The following KCNQ1 variants were observed in gnomAD, a reference collection of about 807,000 sequenced individuals.
KCNQ1 encodes the protein potassium voltage-gated channel subfamily KQT member 1.
Under a neutral mutation model 72.4 loss-of-function variants are expected in KCNQ1, and 49 were observed. The observed-to-expected ratio is 0.68, with a 90% confidence interval of 0.54 to 0.86. The LOEUF (loss-of-function observed/expected upper bound fraction) is 0.86. Among genes scored for constraint, KCNQ1 ranks in the 40% least tolerant of loss-of-function variants. The pLI is 0.00. For missense variants in KCNQ1, 790 were observed against 945.1 expected (o/e 0.84, Z 2.15); for synonymous variants, 450 against 412.6 (o/e 1.09, Z -1.10).
At chr11:2,534,265 C>CCCGCAGGT (rs1847691276) in intron 2 of KCNQ1, among the ~76,000 whole-genome samples, 1 of 152,246 alleles carries the variant, frequency 6.6e-6, no homozygotes, top group African/African-American at 2.4e-5. Context: ...CGCCCGCAGG[C>CCCGCAGGT]CCGCAGGTCC....
intron 11 of KCNQ1, chr11:2,667,419 G>T: frequency 2.5e-6 from 1 of 398,712 alleles, no homozygotes; most frequent in South Asian, 1.3e-4. Flanking sequence ...CTCCACTTGT[G>T]AACTCCCAGC....
rs913157133 is a variant in KCNQ1 at position 2,536,918 on chromosome 11, C to G, written c.477+8900C>G. Among the ~76,000 whole-genome samples, 3 of 151,964 alleles carry G rather than the reference C, an allele frequency of 2.0e-5. No homozygotes were observed. The highest frequency in any genetic ancestry group is 1.5e-5 in the Non-Finnish European group (1 of 68,030). Reference sequence around the variant, plus strand: ...GCAACTGTCTTCTAGATGTAGTACCCCAATCCCCCCCAGTCCCTCCCTTTA... The same window carrying G: ...GCAACTGTCTTCTAGATGTAGTACCGCAATCCCCCCCAGTCCCTCCCTTTA... On this transcript the variant is annotated intron_variant, in intron 2 of 15. Transcript: ENST00000155840. The surrounding 1 kb of genome is among the most constrained non-coding windows in gnomAD (Gnocchi z 7.4).
At chr11:2,693,215 A>T (rs1360052881) in intron 11 of KCNQ1, 2 of 398,606 alleles carry the variant, frequency 5.0e-6, no homozygotes, top group Non-Finnish European at 8.8e-6. Flanking sequence ...CCCTTTTCTG[A>T]GAGGACCACA....
intron 2 of KCNQ1, among the ~76,000 whole-genome samples, chr11:2,539,848 C>T (rs970382345): frequency 5.9e-5 from 9 of 152,218 alleles, no homozygotes; most frequent in Admixed American, 2.6e-4. Context: ...TCAGTGAGTG[C>T]CACGTTCGGT....
intron 10 of KCNQ1, among the ~76,000 whole-genome samples, chr11:2,606,296 C>T (rs1006314587): frequency 2.0e-5 from 3 of 152,128 alleles, no homozygotes; most frequent in African/African-American, 7.2e-5. Flanking sequence ...CTGTATACAA[C>T]ATTGATACGG....
chr11:2,667,426 C>G (rs1241702389), intron 11 of KCNQ1: 3 of 398,618 alleles, frequency 7.5e-6, no homozygotes, highest in African/African-American at 4.1e-5. Context: ...TGTGAACTCC[C>G]AGCCATGATG....
At chr11:2,575,191 C>T (rs969238778) in intron 6 of KCNQ1, among the ~76,000 whole-genome samples, 2 of 152,198 alleles carry the variant, frequency 1.3e-5, no homozygotes, top group African/African-American at 4.8e-5. Flanking sequence ...CAGAGCGGCA[C>T]TCCCACTCCC....
At chr11:2,738,053 C>T (rs946481119) in intron 11 of KCNQ1, among the ~76,000 whole-genome samples, 3 of 152,134 alleles carry the variant, frequency 2.0e-5, no homozygotes, top group East Asian at 1.9e-4. Context: ...TGGGAGGGGC[C>T]GAGCCTGGCC....
intron 2 of KCNQ1, among the ~76,000 whole-genome samples, chr11:2,532,991 T>C (rs891438067): frequency 6.6e-6 from 1 of 152,110 alleles, no homozygotes; most frequent in Non-Finnish European, 1.5e-5. Context: ...ACTCAGGAGC[T>C]GCTGGCACCC....
At chr11:2,648,117 A>G in intron 10 of KCNQ1, 1 of 164,300 alleles carries the variant, frequency 6.1e-6, no homozygotes, top group Non-Finnish European at 1.2e-5. Context: ...AGGCAGGAGG[A>G]TTGCTTGAGC....
intron 11 of KCNQ1, chr11:2,686,254 G>A: frequency 2.5e-6 from 1 of 398,738 alleles, no homozygotes; most frequent in Non-Finnish European, 4.4e-6. Flanking sequence ...CACAGCAAAT[G>A]TCTGCCACCC....
At position 2,676,182 on chromosome 11, in the gene KCNQ1, C is replaced by T; in HGVS notation, c.1514+14101C>T. The T allele has an allele frequency of 2.5e-6, 1 of 398,624 alleles. No homozygotes were observed. The highest frequency in any genetic ancestry group is 4.4e-6 in the Non-Finnish European group (1 of 226,070). The allele number at this position is 398,624 out of a possible 1,614,324, so 24.7% of individuals were successfully genotyped here. On this transcript the variant is annotated intron_variant, in intron 11 of 15. Coordinates refer to ENST00000155840, the MANE Select transcript of KCNQ1 (RefSeq NM_000218.3). The surrounding 1 kb of genome is among the most constrained non-coding windows in gnomAD (Gnocchi z 4.2). ...TCTACACTTTGCCTTTGACTTCTTC[C>T]ATAGGTATGCCATACTTCTTTTTGA...
intron 1 of KCNQ1, among the ~76,000 whole-genome samples, chr11:2,454,819 T>A (rs1419812242): frequency 1.3e-5 from 2 of 152,178 alleles, no homozygotes; most frequent in East Asian, 3.8e-4. Context: ...TGGTACTGAA[T>A]GGGTAAAAGC....
In KCNQ1 at chr11:2,624,736, C is replaced by G. The variant is rs1849235417; in HGVS notation, c.1393+35882C>G. On this transcript the variant is annotated intron_variant, in intron 10 of 15. Coordinates refer to ENST00000155840, the MANE Select transcript of KCNQ1 (RefSeq NM_000218.3). This position sits in a 1 kb window ranked among gnomAD's most constrained non-coding sequence, Gnocchi z 4.9. ...ACTCTATATCCATTAAACAATAATT[C>G]CCCAACCCCCCCACCACCGCCATCT... 1 of 398,378 alleles carries G rather than the reference C, an allele frequency of 2.5e-6. No individual in the cohort carries two copies. Among genetic ancestry groups the G allele is most frequent in the Admixed American group, 4.4e-5 (1 of 22,706 alleles). The allele number at this position is 398,378 out of a possible 1,614,324, so 24.7% of individuals were successfully genotyped here. A position where few individuals can be genotyped will look rare whatever the true frequency, so the allele number is the denominator to read the frequency against.
chr11:2,489,868 G>A (rs907845097), intron 1 of KCNQ1, among the ~76,000 whole-genome samples: 10 of 152,206 alleles, frequency 6.6e-5, no homozygotes, highest in Non-Finnish European at 1.5e-5. Flanking sequence ...ACAACCAGCA[G>A]TGCCAGGTAG....
rs1253456350 is a variant in KCNQ1 at position 2,704,593 on chromosome 11, A to G, written c.1514+42512A>G. Among the ~76,000 whole-genome samples, 1 of 152,138 alleles carries G rather than the reference A, an allele frequency of 6.6e-6. No homozygotes were observed. Among genetic ancestry groups the G allele is most frequent in the Non-Finnish European group, 1.5e-5 (1 of 68,028 alleles). On this transcript the variant is annotated intron_variant, in intron 11 of 15. Coordinates refer to ENST00000155840, the MANE Select transcript of KCNQ1 (RefSeq NM_000218.3). This position sits in a 1 kb window ranked among gnomAD's most constrained non-coding sequence, Gnocchi z 4.3. ...ATCAGATCTCCCTTCTAGAAAGGTC[A>G]CTCTGGCTGCTGAACAGAGAGAGAA...
rs145928793 is a variant in KCNQ1 at position 2,672,080 on chromosome 11, C to A, written c.1514+9999C>A. The A allele has an allele frequency of 2.3e-5, 9 of 398,744 alleles. No individual in the cohort carries two copies. The East Asian group carries it at 3.2e-4, about 14-fold the overall frequency. 24.7% of individuals were successfully genotyped at this position (398,744 alleles called of 1,614,324 possible). The stretch of plus-strand genomic sequence containing the variant: ...ATCCTCCCCTGGTCCCTGGTCTGGA[C>A]TGAGCAGCTGTCTTCTGCCCACAGG... On this transcript the variant is annotated intron_variant, in intron 11 of 15. Transcript: ENST00000155840.
At chr11:2,476,228 C>T (rs1158694049) in intron 1 of KCNQ1, among the ~76,000 whole-genome samples, 1 of 152,124 alleles carries the variant, frequency 6.6e-6, no homozygotes, top group Non-Finnish European at 1.5e-5. Context: ...AACTTCAAGA[C>T]ATTCTAAAAT....
chr11:2,526,174 C>G lies in KCNQ1; in HGVS notation c.387-1754C>G, dbSNP rs557573600. Reference sequence around the variant, plus strand: ...AGGAGCTGGGGTGATCTGGGGCCATCGTGGTGTAAATACTGGGGCACGACA... The same window carrying G: ...AGGAGCTGGGGTGATCTGGGGCCATGGTGGTGTAAATACTGGGGCACGACA... On this transcript the variant is annotated intron_variant, in intron 1 of 15. Transcript: ENST00000155840. This position sits in a 1 kb window ranked among gnomAD's most constrained non-coding sequence, Gnocchi z 6.1. 1.3e-5 allele frequency among the ~76,000 whole-genome samples: 2 copies of G among 152,062 alleles called. No individual in the cohort carries two copies. The highest frequency in any genetic ancestry group is 4.8e-5 in the African/African-American group (2 of 41,388).
Sources: gnomAD v4.1 joint callset for allele counts (sites outside exome capture counted in the v4.1 genomes callset) on GRCh38, gnomAD v4.1.1 for gene constraint, Gnocchi (gnomAD v3.1) non-coding constraint, MANE v1.5 for transcripts, NCBI Gene and HGNC (gene_info 2026-07-23, HGNC 2026-07-21) for gene names.